The following EXOC3 variants were observed in gnomAD, a reference collection of about 807,000 sequenced individuals.
EXOC3 encodes SEC6-like 1.
In EXOC3, 21 loss-of-function variants were observed where a neutral mutation model predicts 73.7. The ratio of observed to expected loss-of-function variants is 0.29; its 90% CI spans 0.20 to 0.41. The LOEUF is 0.41. Among genes scored for constraint, EXOC3 ranks in the 10% least tolerant of loss-of-function variants. The pLI is 1.00. For missense variants in EXOC3, 842 were observed against 985.1 expected (o/e 0.85, Z 1.95); for synonymous variants, 410 against 389.1 (o/e 1.05, Z -0.63).
chr5:446,304 C>G lies in EXOC3; in HGVS notation c.99C>G (p.Arg33=). Residue 33 remains arginine (R), a synonymous_variant, in exon 2 of 13, where the codon CGC becomes CGG. Transcript: ENST00000512944. ...PDQLDKVEQY[R]RREARKKASV... ...AGCTGGACAAGGTGGAGCAGTATCG[C>G]AGGAGAGAAGCGCGGAAGAAGGCCT... 4 of 1,613,688 alleles carry G rather than the reference C, an allele frequency of 2.5e-6. No homozygotes were observed. Among genetic ancestry groups the G allele is most frequent in the Non-Finnish European group, 3.4e-6 (4 of 1,179,738 alleles).
chr5:452,964 C>G (rs77248217), intron 3 of EXOC3, among the ~76,000 whole-genome samples: 1 of 152,230 alleles, frequency 6.6e-6, no homozygotes, highest in East Asian at 1.9e-4. Flanking sequence ...TGGCCACTTA[C>G]CTCTTCGCAC....
intron 4 of EXOC3, among the ~76,000 whole-genome samples, chr5:454,740 A>AAATTT (rs1321278462): frequency 2.6e-5 from 4 of 152,172 alleles, no homozygotes; most frequent in Non-Finnish European, 5.9e-5. Context: ...GCCGAAATGA[A>AAATTT]AATTTATTTC....
rs578157185 is a variant in EXOC3 at position 463,548 on chromosome 5, G to A, written c.1654-742G>A. Among the ~76,000 whole-genome samples the A allele has an allele frequency of 3.9e-5, 6 of 152,352 alleles. No homozygotes were observed. In the East Asian group the frequency reaches 7.7e-4, roughly 20 times the overall value. On this transcript the variant is annotated intron_variant, in intron 9 of 12. Transcript: ENST00000512944. ...GGGAAAAAGGGGCTGTTTGTATTCTGTGTGGGCCTGAACTGGGTTGGGTTT... is the reference window on the plus strand; with the variant it reads ...GGGAAAAAGGGGCTGTTTGTATTCTATGTGGGCCTGAACTGGGTTGGGTTT...
chr5:464,006 G>T (rs909458145), intron 9 of EXOC3, among the ~76,000 whole-genome samples: 2 of 152,238 alleles, frequency 1.3e-5, no homozygotes, highest in African/African-American at 4.8e-5. Context: ...ACCTGAGTGC[G>T]CATTGCTGTT....
intron 3 of EXOC3, among the ~76,000 whole-genome samples, chr5:452,309 G>A (rs966109164): frequency 6.6e-6 from 1 of 152,004 alleles, no homozygotes; most frequent in African/African-American, 2.4e-5. Flanking sequence ...GTGCAGATCT[G>A]CCTTTGAATC....
chr5:446,123 T>G, intron 1 of EXOC3, 27 bp from the exon 2 acceptor site: 1 of 1,548,708 alleles, frequency 6.5e-7, no homozygotes, highest in Non-Finnish European at 8.9e-7. Context: ...GTACCTAACA[T>G]TTCTACCGTC....
chr5:466,785 CAGACCATCATGG>C lies in EXOC3; in HGVS notation c.2131_2142del (p.Ile711_Thr714del). ...TGGGGACGCCAGCCGTGACATGAAGCAGACCATCATGGAGACCCTGGAGCAGGGCCCAGCACA... is the reference window on the plus strand; with the variant it reads ...TGGGGACGCCAGCCGTGACATGAAGCAGACCCTGGAGCAGGGCCCAGCACA... On this transcript the variant is annotated inframe_deletion, in exon 13 of 13. Transcript: ENST00000512944. 1 of 1,613,442 alleles carries C rather than the reference CAGACCATCATGG, an allele frequency of 6.2e-7. No individual in the cohort carries two copies. The highest frequency in any genetic ancestry group is 8.5e-7 in the Non-Finnish European group (1 of 1,179,830).
At chr5:458,157 G>A in intron 6 of EXOC3, 132 bp downstream of exon 6, 1 of 921,300 alleles carries the variant, frequency 1.1e-6, no homozygotes, top group Non-Finnish European at 1.6e-6. Context: ...AGCCCTGCCT[G>A]GTGCATCTAA....
intron 4 of EXOC3, 99 bp from the exon 5 acceptor site, chr5:456,790 G>T: frequency 2.2e-6 from 2 of 902,482 alleles, no homozygotes; most frequent in Non-Finnish European, 1.8e-6. Flanking sequence ...CTCCAGGGTG[G>T]TGGACATTCA....
chr5:453,652 T>A lies in EXOC3; in HGVS notation c.647T>A (p.Ile216Asn). The change falls in exon 4 of 13, where the codon ATT becomes AAT. Residue 216 changes from isoleucine to asparagine, a missense_variant. Transcript: ENST00000512944. ...PTLLVSVVRI[I>N]EREEKIDRRI... ...TTGCTGGTCTCAGTTGTCAGGATCA[T>A]TGAAAGGGAAGAGAAAATTGACAGG... is the stretch of plus-strand genomic sequence containing the variant. The A allele has an allele frequency of 6.2e-7, 1 of 1,613,896 alleles. No individual in the cohort carries two copies. The highest frequency in any genetic ancestry group is 8.5e-7 in the Non-Finnish European group (1 of 1,179,880).
chr5:463,061 C>T (rs192983274), intron 9 of EXOC3, among the ~76,000 whole-genome samples: 5 of 152,234 alleles, frequency 3.3e-5, no homozygotes, highest in East Asian at 1.9e-4. Flanking sequence ...GCAGAGATCG[C>T]GCCATTGCAC....
intron 3 of EXOC3, 132 bp from the exon 4 acceptor site, chr5:453,238 A>T: frequency 1.5e-6 from 1 of 654,622 alleles, no homozygotes; most frequent in South Asian, 2.0e-5. Context: ...CCTCAGACAC[A>T]TCCTGCCATT....
In EXOC3 at chr5:464,408, A is replaced by C. The variant is rs756731781; in HGVS notation, c.1772A>C (p.Lys591Thr). 6.2e-7 allele frequency: 1 copy of C among 1,613,424 alleles called. No homozygotes were observed. The change falls in exon 10 of 13, where the codon AAG becomes ACG. Residue 591 changes from lysine (K) to threonine (T), a missense_variant. Lys to Thr is a moderately conservative substitution (Grantham distance 78). Transcript: ENST00000512944. Reference sequence around the variant, plus strand: ...TTTGCCAAAATTAAAAAGCCGTATAAGAAGGTAAGAAGGTGGGACCTAGTT... The same window carrying C: ...TTTGCCAAAATTAAAAAGCCGTATACGAAGGTAAGAAGGTGGGACCTAGTT... ...NDFAKIKKPY[K>T]KRMTAEAHRR... is the part of the protein sequence containing the mutation.
rs1158957526 is a variant in EXOC3, at chr5:457,932, G to A, written c.1197G>A (p.Leu399=). 6.2e-7 allele frequency: 1 copy of A among 1,610,712 alleles called. No individual in the cohort carries two copies. Among genetic ancestry groups the A allele is most frequent in the Admixed American group, 1.7e-5 (1 of 59,548 alleles). The change falls in exon 6 of 13, where the codon CTG becomes CTA. Residue 399 remains leucine (L), a synonymous_variant. Transcript: ENST00000512944. ...TCATCGCCTGGCTGCGGAAAGCGCTGGAGACAGACAAGAAAGACTGGGTCA... is the reference window on the plus strand; with the variant it reads ...TCATCGCCTGGCTGCGGAAAGCGCTAGAGACAGACAAGAAAGACTGGGTCA... The part of the protein sequence containing the change: ...SNIIAWLRKA[L]ETDKKDWVKE...
At position 453,914 on chromosome 5, in the gene EXOC3, C is replaced by T; in HGVS notation, c.909C>T (p.Pro303=). 3 of 1,614,038 alleles carry T rather than the reference C, an allele frequency of 1.9e-6. No homozygotes were observed. Among genetic ancestry groups the T allele is most frequent in the Non-Finnish European group, 2.5e-6 (3 of 1,179,890 alleles). The change falls in exon 4 of 13, where the codon CCC becomes CCT. Residue 303 remains proline, a synonymous_variant. Coordinates refer to ENST00000512944, the MANE Select transcript of EXOC3 (RefSeq NM_007277.5). ...AKNLMVQCFP[P]HYEIFKNLLN... ...ACCTGATGGTTCAGTGCTTTCCTCC[C>T]CACTATGAGATCTTTAAGAACCTCC...
intron 1 of EXOC3, 93 bp from the exon 2 acceptor site, chr5:446,057 T>A: frequency 1.2e-6 from 1 of 825,742 alleles, no homozygotes; most frequent in Non-Finnish European, 2.0e-6. Context: ...ATTAATGATC[T>A]CAGAGGCTCT....
intron 12 of EXOC3, chr5:466,341 T>C: frequency 3.9e-6 from 1 of 258,990 alleles, no homozygotes; most frequent in Non-Finnish European, 7.4e-6. Context: ...CAGGCCAGCC[T>C]TTGCGGCCCC....
intron 3 of EXOC3, among the ~76,000 whole-genome samples, chr5:450,047 A>G (rs1357550466): frequency 6.6e-6 from 1 of 152,116 alleles, no homozygotes; most frequent in Non-Finnish European, 1.5e-5. Flanking sequence ...GGAGTTTGAG[A>G]CCAGCCCGGC....
At chr5:454,875 T>TTC (rs1234302542) in intron 4 of EXOC3, among the ~76,000 whole-genome samples, 1 of 151,582 alleles carries the variant, frequency 6.6e-6, no homozygotes, top group Admixed American at 6.6e-5. Flanking sequence ...CTCATTTTTT[T>TTC]TTTTTTTTTT....
Sources: allele counts gnomAD v4.1 joint callset (sites outside exome capture counted in the v4.1 genomes callset), GRCh38; gene constraint gnomAD v4.1.1; transcripts MANE v1.5; gene names NCBI Gene and HGNC (gene_info 2026-07-23, HGNC 2026-07-21).